CHST9: variants seen among roughly 807,000 people sequenced by gnomAD.
CHST9 encodes carbohydrate sulfotransferase 9.
CHST9 carries 41 observed loss-of-function variants against 44.4 expected under a neutral mutation model. The ratio of observed to expected loss-of-function variants is 0.92; its 90% CI spans 0.72 to 1.20. The LOEUF (loss-of-function observed/expected upper bound fraction) is 1.20. CHST9 is among the 50% of genes most tolerant of loss of function. The pLI is 0.00. For synonymous variants in CHST9, 171 were observed against 178.4 expected, an observed-to-expected ratio of 0.96 and a Z score of 0.33; for missense variants, 504 against 516.5, an observed-to-expected ratio of 0.98 and a Z score of 0.23.
intron 4 of CHST9, among the ~76,000 whole-genome samples, chr18:26,981,121 CAAGTT>C (rs2056686751): frequency 1.3e-5 from 2 of 152,062 alleles, no homozygotes; most frequent in African/African-American, 2.4e-5. Context: ...TCTAGTTTCT[CAAGTT>C]AAGAAGTAGA....
intron 3 of CHST9, among the ~76,000 whole-genome samples, chr18:27,047,877 G>T (rs970731329): frequency 1.3e-5 from 2 of 152,140 alleles, no homozygotes; most frequent in African/African-American, 4.8e-5. Context: ...ACAACTTTAA[G>T]CTAAAAGGCA....
intron 4 of CHST9, among the ~76,000 whole-genome samples, chr18:27,003,417 C>T (rs139996676): frequency 7.2e-5 from 11 of 152,194 alleles, no homozygotes; most frequent in African/African-American, 1.2e-4. Context: ...TGAAGTGCAG[C>T]GAAGTTTTCT....
chr18:26,919,345 C>T (rs1299191033), intron 5 of CHST9, among the ~76,000 whole-genome samples: 1 of 152,142 alleles, frequency 6.6e-6, no homozygotes, highest in Non-Finnish European at 1.5e-5. Context: ...TACTTCAAAG[C>T]CCTTTGTGCT....
intron 4 of CHST9, among the ~76,000 whole-genome samples, chr18:26,972,377 A>AAG (rs2056559752): frequency 6.6e-6 from 1 of 151,310 alleles, no homozygotes; most frequent in African/African-American, 2.4e-5. Context: ...AAAAAAAAAA[A>AAG]AAAAGGAAGA....
chr18:27,102,323 T>C (rs1346228937), intron 2 of CHST9, among the ~76,000 whole-genome samples: 1 of 152,196 alleles, frequency 6.6e-6, no homozygotes, highest in Non-Finnish European at 1.5e-5. Context: ...ATTAGTAATT[T>C]ATAGAACAGA....
intron 4 of CHST9, among the ~76,000 whole-genome samples, chr18:27,006,209 A>G (rs2057013919): frequency 1.3e-5 from 2 of 152,102 alleles, no homozygotes; most frequent in African/African-American, 4.8e-5. Context: ...GCCCTAAGAG[A>G]GGAGGTCCAC....
At chr18:26,969,405 T>TGTGTGTGTG (rs2056512346) in intron 4 of CHST9, among the ~76,000 whole-genome samples, 1 of 151,430 alleles carries the variant, frequency 6.6e-6, no homozygotes, top group African/African-American at 2.4e-5. Context: ...TGTGTGTGTG[T>TGTGTGTGTG]TAAGCCCTAA....
intron 3 of CHST9, among the ~76,000 whole-genome samples, chr18:27,032,820 G>A (rs559483665): frequency 2.0e-5 from 3 of 152,314 alleles, no homozygotes; most frequent in East Asian, 1.9e-4. Flanking sequence ...GAAAGGTGAA[G>A]GTCATAGGAC....
chr18:27,185,033 C>T (rs955969384), intron 1 of CHST9, 103 bp downstream of exon 1: 3 of 152,574 alleles, frequency 2.0e-5, no homozygotes, highest in Non-Finnish European at 2.9e-5. Flanking sequence ...GGCGCACGTC[C>T]CCGCCCACCA....
chr18:26,989,179 CA>C (rs1435793336), intron 4 of CHST9, among the ~76,000 whole-genome samples: 3 of 151,886 alleles, frequency 2.0e-5, no homozygotes, highest in Non-Finnish European at 4.4e-5. Flanking sequence ...TAAATATATG[CA>C]AAGCATATCA....
intron 1 of CHST9, among the ~76,000 whole-genome samples, chr18:27,158,144 T>C (rs1208059990): frequency 6.6e-6 from 1 of 152,210 alleles, no homozygotes; most frequent in Non-Finnish European, 1.5e-5. Context: ...AGGGTACATA[T>C]GCACAACGTG....
At chr18:27,076,587 A>T (rs1260018232) in intron 2 of CHST9, among the ~76,000 whole-genome samples, 1 of 152,158 alleles carries the variant, frequency 6.6e-6, no homozygotes, top group Non-Finnish European at 1.5e-5. Flanking sequence ...ACTCCTATTG[A>T]CAGCAGCTAG....
intron 5 of CHST9, among the ~76,000 whole-genome samples, chr18:26,917,875 A>AT (rs11464748): frequency 0.29 from 43,322 of 150,270 alleles, 6,347 homozygotes; most frequent in African/African-American, 0.34. Flanking sequence ...AAAATCATGT[A>AT]TTTTTTTTTT....
At chr18:26,980,306 G>A (rs1203573949) in intron 4 of CHST9, among the ~76,000 whole-genome samples, 2 of 152,140 alleles carry the variant, frequency 1.3e-5, no homozygotes, top group Non-Finnish European at 2.9e-5. Context: ...GCGCCTAGAA[G>A]TGTAACAGAT....
At chr18:26,933,739 C>G (rs994314540) in intron 5 of CHST9, 2 of 153,578 alleles carry the variant, frequency 1.3e-5, no homozygotes, top group African/African-American at 4.8e-5. Flanking sequence ...TGACAAGTCT[C>G]TGTTCTCAAG....
intron 5 of CHST9, among the ~76,000 whole-genome samples, chr18:26,919,006 C>T (rs950245401): frequency 1.3e-5 from 2 of 152,064 alleles, no homozygotes; most frequent in African/African-American, 4.8e-5. Flanking sequence ...AGAGCAAAGG[C>T]CTGTCTTATA....
At position 27,151,535 on chromosome 18, in the gene CHST9, G is replaced by A. The variant is rs1224073023; in HGVS notation, c.-96-8630C>T. On this transcript the variant is annotated intron_variant, in intron 1 of 5. Transcript: ENST00000618847. The stretch of plus-strand genomic sequence containing the variant: ...GCAATGGAGAATTGAGTTTGCAGAC[G>A]GAATGAAGTTTGCTAATAGGCCAAC... 2.6e-5 allele frequency among the ~76,000 whole-genome samples: 4 copies of A among 152,148 alleles called. No homozygotes were observed. In the South Asian group the frequency reaches 6.2e-4, roughly 24 times the overall value.
chr18:26,986,521 T>C (rs770187902), intron 4 of CHST9, among the ~76,000 whole-genome samples: 6 of 152,082 alleles, frequency 3.9e-5, no homozygotes, highest in Non-Finnish European at 7.4e-5. Flanking sequence ...ATCTGAAAAA[T>C]AATAGCTGAA....
At position 26,914,910 on chromosome 18, in the gene CHST9, C is replaced by T. The variant is rs970046680; in HGVS notation, c.*1349G>A. ...TGAAAGACTTGTGATTTTCTTAACT[C>T]GGGGTAAAAGTCGACCAATTAAAGT... is the stretch of plus-strand genomic sequence containing the variant. On this transcript the variant is annotated 3_prime_UTR_variant, in exon 6 of 6. Transcript: ENST00000618847. 14 of 397,596 alleles carry T rather than the reference C, an allele frequency of 3.5e-5. 1 individual carries two copies. Among genetic ancestry groups the T allele is most frequent in the Admixed American group, 2.2e-4 (5 of 22,674 alleles). 24.6% of individuals were successfully genotyped at this position (397,596 alleles called of 1,614,324 possible). A position where few individuals can be genotyped will look rare whatever the true frequency, so the allele number is the denominator to read the frequency against.
Sources: gnomAD v4.1 joint callset for allele counts (sites outside exome capture counted in the v4.1 genomes callset) on GRCh38, gnomAD v4.1.1 for gene constraint, MANE v1.5 for transcripts, NCBI Gene and HGNC (gene_info 2026-07-23, HGNC 2026-07-21) for gene names.